PARD3: variants seen among roughly 807,000 people sequenced by gnomAD.
The protein encoded by PARD3 is par-3 family cell polarity regulator.
Under a neutral mutation model 155.4 loss-of-function variants are expected in PARD3, and 75 were observed. The ratio of observed to expected loss-of-function variants is 0.48; its 90% CI spans 0.40 to 0.58. The LOEUF (loss-of-function observed/expected upper bound fraction) is 0.58. PARD3 is among the 20% of genes least tolerant of loss of function. The probability of loss-of-function intolerance (pLI) is 0.00; values close to 1 mark genes in which losing one functional copy is unlikely to be tolerated. For synonymous variants in PARD3, 576 were observed against 610.5 expected, an observed-to-expected ratio of 0.94 and a Z score of 0.83; for missense variants, 1,642 against 1,721.7, an observed-to-expected ratio of 0.95 and a Z score of 0.82.
At chr10:34,483,653 G>A (rs749465344) in intron 3 of PARD3, among the ~76,000 whole-genome samples, 2 of 152,104 alleles carry the variant, frequency 1.3e-5, no homozygotes, top group Non-Finnish European at 1.5e-5. Flanking sequence ...CCCACAAGGG[G>A]ATAGAACGTA....
At chr10:34,147,432 CT>C (rs34049904) in intron 22 of PARD3, among the ~76,000 whole-genome samples, 1 of 151,586 alleles carries the variant, frequency 6.6e-6, no homozygotes, top group Non-Finnish European at 1.5e-5. Flanking sequence ...TCTAGTTTGA[CT>C]TTTTTTCTCT....
At chr10:34,601,308 T>C (rs2089758710) in intron 2 of PARD3, among the ~76,000 whole-genome samples, 1 of 149,688 alleles carries the variant, frequency 6.7e-6, no homozygotes, top group African/African-American at 2.5e-5. Flanking sequence ...CCAAGTATAG[T>C]GGCAGGGGCC....
intron 22 of PARD3, among the ~76,000 whole-genome samples, chr10:34,195,827 G>T (rs1235279919): frequency 1.3e-5 from 2 of 152,088 alleles, no homozygotes; most frequent in African/African-American, 4.8e-5. Context: ...TGAAAATCTT[G>T]CCACTCGCTA....
At chr10:34,541,937 C>A (rs2083638022) in intron 2 of PARD3, among the ~76,000 whole-genome samples, 1 of 152,012 alleles carries the variant, frequency 6.6e-6, no homozygotes. Context: ...AGTGCAGTGG[C>A]ATGATCATGG....
At chr10:34,312,139 A>G in intron 20 of PARD3, 1 of 779,182 alleles carries the variant, frequency 1.3e-6, no homozygotes, top group Non-Finnish European at 2.0e-6. Flanking sequence ...CTGCCTTTTC[A>G]AGCGTAATTT....
intron 2 of PARD3, among the ~76,000 whole-genome samples, chr10:34,567,721 C>A (rs2086071124): frequency 6.6e-6 from 1 of 152,154 alleles, no homozygotes; most frequent in African/African-American, 2.4e-5. Context: ...TGACATTATT[C>A]ATTTAAACAA....
chr10:34,596,209 G>A (rs1331595095), intron 2 of PARD3, among the ~76,000 whole-genome samples: 1 of 151,340 alleles, frequency 6.6e-6, no homozygotes, highest in African/African-American at 2.4e-5. Context: ...AAGTTTGTAA[G>A]CAATATCCAT....
chr10:34,382,249 TTAC>T (rs2131998148), intron 9 of PARD3, among the ~76,000 whole-genome samples: 1 of 152,286 alleles, frequency 6.6e-6, no homozygotes, highest in Non-Finnish European at 1.5e-5. Flanking sequence ...ATCAAAAATT[TTAC>T]TACAGTAACT....
At chr10:34,187,572 C>T (rs1013733880) in intron 22 of PARD3, among the ~76,000 whole-genome samples, 1 of 152,144 alleles carries the variant, frequency 6.6e-6, no homozygotes, top group East Asian at 1.9e-4. Flanking sequence ...AGCCTTAGCA[C>T]AAGGAAGTCA....
At chr10:34,128,562 A>T (rs1947415948) in intron 23 of PARD3, among the ~76,000 whole-genome samples, 1 of 152,134 alleles carries the variant, frequency 6.6e-6, no homozygotes, top group East Asian at 1.9e-4. Flanking sequence ...CAGAAGTTGC[A>T]TGGGGATTTC....
chr10:34,317,193 T>C lies in PARD3; in HGVS notation c.2979A>G (p.Gly993=), dbSNP rs1246773324. The C allele has an allele frequency of 6.2e-7, 1 of 1,613,234 alleles. No individual in the cohort carries two copies. Among genetic ancestry groups the C allele is most frequent in the Non-Finnish European group, 8.5e-7 (1 of 1,179,674 alleles). ...TATCTCTATCTTTCTTCTTTTCTTTTCCAGTTTTATCCTTTTTTCTATCAG... is the reference window on the plus strand; with the variant it reads ...TATCTCTATCTTTCTTCTTTTCTTTCCCAGTTTTATCCTTTTTTCTATCAG... ...DKTDRKKDKT[G]KEKKKDRDKE... is the part of the protein sequence containing the mutation. The change falls in exon 20 of 25, where the codon GGA becomes GGG. Residue 993 remains glycine, a synonymous_variant. Coordinates refer to ENST00000374788, the MANE Select transcript of PARD3 (RefSeq NM_001184785.2).
intron 2 of PARD3, among the ~76,000 whole-genome samples, chr10:34,526,591 T>C (rs1042590857): frequency 1.3e-5 from 2 of 152,178 alleles, no homozygotes; most frequent in Admixed American, 1.3e-4. Context: ...GGAAGGCCCT[T>C]TCTTTCTAGT....
At chr10:34,597,279 TTTTTTG>T (rs1366924632) in intron 2 of PARD3, among the ~76,000 whole-genome samples, 4 of 151,838 alleles carry the variant, frequency 2.6e-5, no homozygotes, top group African/African-American at 9.7e-5. Flanking sequence ...TTTAGCGCTT[TTTTTTG>T]TTTTTGTTTA....
chr10:34,634,988 C>A (rs117122986), intron 2 of PARD3, among the ~76,000 whole-genome samples: 1 of 152,206 alleles, frequency 6.6e-6, no homozygotes, highest in Non-Finnish European at 1.5e-5. Flanking sequence ...TGAAGAATGG[C>A]GGCCTACACT....
At chr10:34,373,835 A>G (rs906056961) in intron 11 of PARD3, among the ~76,000 whole-genome samples, 1 of 151,888 alleles carries the variant, frequency 6.6e-6, no homozygotes, top group African/African-American at 2.4e-5. Context: ...TTTTTCATTT[A>G]TAATATTTAT....
At chr10:34,400,659 T>C (rs982149238) in intron 6 of PARD3, among the ~76,000 whole-genome samples, 4 of 152,172 alleles carry the variant, frequency 2.6e-5, no homozygotes, top group African/African-American at 9.6e-5. Flanking sequence ...ATGTTTCTAA[T>C]ATAAAAACCT....
At chr10:34,436,321 C>T (rs1001558286) in intron 5 of PARD3, among the ~76,000 whole-genome samples, 1 of 152,140 alleles carries the variant, frequency 6.6e-6, no homozygotes, top group African/African-American at 2.4e-5. Flanking sequence ...TATAGGAAGC[C>T]CACTTGCAGC....
intron 2 of PARD3, among the ~76,000 whole-genome samples, chr10:34,650,215 C>T (rs753302070): frequency 2.0e-5 from 3 of 152,210 alleles, no homozygotes; most frequent in Non-Finnish European, 2.9e-5. Context: ...CCGTGCACAA[C>T]TGTATGTGCT....
chr10:34,112,170 C>G (rs1286846799), intron 24 of PARD3, among the ~76,000 whole-genome samples: 2 of 152,234 alleles, frequency 1.3e-5, no homozygotes, highest in East Asian at 3.8e-4. Context: ...GCAACTTACA[C>G]TCTCCGGGAT....
Sources: allele counts gnomAD v4.1 joint callset (sites outside exome capture counted in the v4.1 genomes callset), GRCh38; gene constraint gnomAD v4.1.1; transcripts MANE v1.5; gene names NCBI Gene and HGNC (gene_info 2026-07-23, HGNC 2026-07-21).